VWA8: variants seen among roughly 807,000 people sequenced by gnomAD.
VWA8 encodes von Willebrand factor A domain containing 8, also known as von Willebrand factor A domain-containing protein 8.
VWA8 carries 221 observed loss-of-function variants against 241.5 expected under a neutral mutation model. The ratio of observed to expected loss-of-function variants is 0.91; its 90% CI spans 0.82 to 1.02. The LOEUF (loss-of-function observed/expected upper bound fraction) is 1.02. Ranked by LOEUF, VWA8 falls within the 50% of genes least tolerant of loss-of-function variation. VWA8 has a pLI of 0.00. For synonymous variants in VWA8, 852 were observed against 827.1 expected (o/e 1.03, Z -0.52); for missense variants, 2,322 against 2,328.7 (o/e 1.00, Z 0.06).
At chr13:41,637,624 A>C (rs1278921655) in intron 37 of VWA8, among the ~76,000 whole-genome samples, 1 of 152,208 alleles carries the variant, frequency 6.6e-6, no homozygotes, top group Non-Finnish European at 1.5e-5. Flanking sequence ...AAATGTGTTT[A>C]AAATGTGTTT....
chr13:41,892,861 A>C (rs1228035703), intron 4 of VWA8, among the ~76,000 whole-genome samples: 1 of 151,886 alleles, frequency 6.6e-6, no homozygotes, highest in South Asian at 2.1e-4. Context: ...CTCTCAGATC[A>C]CCTCCCAATA....
intron 14 of VWA8, among the ~76,000 whole-genome samples, chr13:41,826,066 T>C (rs1175657661): frequency 2.7e-5 from 4 of 148,728 alleles, no homozygotes; most frequent in Non-Finnish European, 6.1e-5. Flanking sequence ...TAACCTATTA[T>C]AACCCTAAAA....
chr13:41,842,089 G>T (rs1478429741), intron 12 of VWA8, among the ~76,000 whole-genome samples: 1 of 151,762 alleles, frequency 6.6e-6, no homozygotes, highest in African/African-American at 2.4e-5. Flanking sequence ...ATAAGCCATT[G>T]ACTTTGTAAT....
At chr13:41,783,944 C>T in intron 18 of VWA8, 43 bp from the exon 19 acceptor site, 6 of 1,514,702 alleles carry the variant, frequency 4.0e-6, no homozygotes, top group Non-Finnish European at 5.5e-6. Flanking sequence ...ATAGCACTGT[C>T]CTCAGAGATG....
chr13:41,595,813 C>T (rs924470992), intron 40 of VWA8, among the ~76,000 whole-genome samples: 6 of 152,068 alleles, frequency 3.9e-5, no homozygotes, highest in Non-Finnish European at 2.9e-5. Flanking sequence ...CTGAACATGT[C>T]TTTTGGAGCA....
rs757558909 is a variant in VWA8 at position 41,605,170 on chromosome 13, G to A, written c.4984C>T (p.Gln1662Ter). The change falls in exon 40 of 45, where the codon CAG becomes TAG. Residue 1662 changes from glutamine (Q) to a stop codon, truncating the protein, a stop_gained and splice_region_variant. Transcript: ENST00000379310. LOFTEE classifies it high-confidence loss of function. ...HSLRIILDNL[Q>*]AKGKERQWLR... ...TTGGTCCATAAGTAGAAGATTACCT[G>A]TAAATTATCCAGGATGATTCGGAGG... 2 of 1,612,742 alleles carry A rather than the reference G, an allele frequency of 1.2e-6. No individual in the cohort carries two copies. The highest frequency in any genetic ancestry group is 1.7e-6 in the Non-Finnish European group (2 of 1,179,062).
chr13:41,865,959 T>C lies in VWA8; in HGVS notation c.1290A>G (p.Leu430=), dbSNP rs1184594754. 6.2e-7 allele frequency: 1 copy of C among 1,614,220 alleles called. No individual in the cohort carries two copies. The highest frequency in any genetic ancestry group is 1.7e-5 in the Admixed American group (1 of 60,030). ...TGTGAGACTGCATCATTTCAGCCTGTAGCTGCTTATGGCTCAAAGTCTGTA... is the reference window on the plus strand; with the variant it reads ...TGTGAGACTGCATCATTTCAGCCTGCAGCTGCTTATGGCTCAAAGTCTGTA... The part of the protein sequence containing the change: ...RFIQTLSHKQ[L]QAEMMQSHMV... The change falls in exon 11 of 45, where the codon CTA becomes CTG. Residue 430 remains leucine, a synonymous_variant. Coordinates refer to ENST00000379310, the MANE Select transcript of VWA8 (RefSeq NM_015058.2).
At chr13:41,658,668 T>G (rs1303518424) in intron 37 of VWA8, among the ~76,000 whole-genome samples, 2 of 152,218 alleles carry the variant, frequency 1.3e-5, no homozygotes, top group Non-Finnish European at 2.9e-5. Flanking sequence ...ACCTGGTCAT[T>G]ACCTCAGCCT....
chr13:41,943,724 T>A (rs987342694), intron 2 of VWA8, among the ~76,000 whole-genome samples: 1 of 152,190 alleles, frequency 6.6e-6, no homozygotes, highest in African/African-American at 2.4e-5. Context: ...CTTTAATATA[T>A]ACTTCACAAA....
intron 4 of VWA8, among the ~76,000 whole-genome samples, chr13:41,895,430 C>T (rs545410513): frequency 6.0e-4 from 92 of 152,284 alleles, no homozygotes; most frequent in African/African-American, 2.0e-3. Flanking sequence ...TAGGAATTTG[C>T]TGTGTTACCT....
intron 25 of VWA8, among the ~76,000 whole-genome samples, chr13:41,720,424 TA>T (rs1304711628): frequency 6.6e-6 from 1 of 152,158 alleles, no homozygotes; most frequent in Non-Finnish European, 1.5e-5. Flanking sequence ...AATTGACAAA[TA>T]ATAACTGTAT....
intron 1 of VWA8, among the ~76,000 whole-genome samples, chr13:41,950,659 C>T (rs1199999373): frequency 6.8e-6 from 1 of 147,214 alleles, no homozygotes; most frequent in African/African-American, 2.5e-5. Context: ...TGAGTCACCA[C>T]ACTCAGCCTT....
At chr13:41,692,046 A>C in intron 30 of VWA8, 108 bp from the exon 31 acceptor site, 2 of 676,056 alleles carry the variant, frequency 3.0e-6, no homozygotes, top group Admixed American at 2.6e-5. Flanking sequence ...CTAGTAAAAC[A>C]TGTAATTCTC....
At chr13:41,942,023 A>G (rs961339071) in intron 2 of VWA8, among the ~76,000 whole-genome samples, 3 of 152,156 alleles carry the variant, frequency 2.0e-5, no homozygotes, top group Non-Finnish European at 4.4e-5. Context: ...CATTAGCTAC[A>G]CTCATAATAA....
chr13:41,691,349 T>G lies in VWA8; in HGVS notation c.3837A>C (p.Lys1279Asn), dbSNP rs2045175934. The G allele has an allele frequency of 6.2e-7, 1 of 1,612,400 alleles. No individual in the cohort carries two copies. The highest frequency in any genetic ancestry group is 1.3e-5 in the African/African-American group (1 of 74,814). ...TTGTTTTGCTCTCCACCAGAAGCCA[T>G]TTGTCCTCTGCTACAAGGAAAACTG... is the stretch of plus-strand genomic sequence containing the variant. ...LKTVFLVAEDKWLLVESKTNQ... is the reference protein window; with the variant it reads ...LKTVFLVAEDNWLLVESKTNQ... Residue 1279 changes from lysine (K) to asparagine (N), a missense_variant, in exon 32 of 45, where the codon AAA becomes AAC. Physicochemically the swap from Lys to Asn is moderately conservative, Grantham distance 94. Coordinates refer to ENST00000379310, the MANE Select transcript of VWA8 (RefSeq NM_015058.2).
chr13:41,711,300 C>T (rs953135210), intron 26 of VWA8, among the ~76,000 whole-genome samples: 1 of 152,146 alleles, frequency 6.6e-6, no homozygotes, highest in Non-Finnish European at 1.5e-5. Context: ...TGTTCTAAGT[C>T]TGAATCCTCT....
At chr13:41,791,263 A>G (rs1052628660) in intron 17 of VWA8, among the ~76,000 whole-genome samples, 1 of 151,942 alleles carries the variant, frequency 6.6e-6, no homozygotes, top group African/African-American at 2.4e-5. Flanking sequence ...TAAACAAAAT[A>G]GCTGTTTTCT....
intron 17 of VWA8, among the ~76,000 whole-genome samples, chr13:41,800,238 T>C (rs1422930524): frequency 6.6e-6 from 1 of 152,250 alleles, no homozygotes; most frequent in Non-Finnish European, 1.5e-5. Context: ...TGAACATTCA[T>C]GTAGAAGTTT....
chr13:41,841,772 G>C (rs1475869356), intron 12 of VWA8, among the ~76,000 whole-genome samples: 1 of 93,140 alleles, frequency 1.1e-5, no homozygotes. Flanking sequence ...GCGACAGAGC[G>C]AGACTCTGTC....
Sources: gnomAD v4.1 joint callset for allele counts (sites outside exome capture counted in the v4.1 genomes callset) on GRCh38, gnomAD v4.1.1 for gene constraint, MANE v1.5 for transcripts, NCBI Gene and HGNC (gene_info 2026-07-23, HGNC 2026-07-21) for gene names.